GPM6A: variants seen among roughly 807,000 people sequenced by gnomAD.
GPM6A encodes neuronal membrane glycoprotein M6-a.
GPM6A carries 7 observed loss-of-function variants against 32.1 expected under a neutral mutation model. That is an observed-to-expected ratio of 0.22 (90% CI 0.12 to 0.41). The LOEUF is 0.41. Among genes scored for constraint, GPM6A ranks in the 10% least tolerant of loss-of-function variants. GPM6A has a pLI of 1.00. For synonymous variants in GPM6A, 130 were observed against 123.4 expected (o/e 1.05, Z -0.35); for missense variants, 235 against 347.2 (o/e 0.68, Z 2.57).
chr4:175,869,834 ATTCACAAG>A (rs1271514255), intron 1 of GPM6A, among the ~76,000 whole-genome samples: 1 of 152,182 alleles, frequency 6.6e-6, no homozygotes, highest in Non-Finnish European at 1.5e-5. Context: ...TTTCTAAACA[ATTCACAAG>A]TTCTAGACCT....
intron 1 of GPM6A, among the ~76,000 whole-genome samples, chr4:175,950,979 T>A (rs1739789185): frequency 6.6e-6 from 1 of 152,154 alleles, no homozygotes; most frequent in African/African-American, 2.4e-5. Context: ...TGTAAGACTT[T>A]TTTTTTTCTC....
At chr4:175,842,289 A>G (rs1226990255) in intron 1 of GPM6A, among the ~76,000 whole-genome samples, 1 of 152,152 alleles carries the variant, frequency 6.6e-6, no homozygotes, top group African/African-American at 2.4e-5. Flanking sequence ...AACAATATAT[A>G]TATTACAGAT....
intron 1 of GPM6A, chr4:175,787,052 T>G: frequency 6.2e-6 from 2 of 322,010 alleles, no homozygotes; most frequent in Non-Finnish European, 5.6e-6. Flanking sequence ...AATCTCGGTG[T>G]TTGTTTGTTT....
intron 1 of GPM6A, among the ~76,000 whole-genome samples, chr4:175,950,209 AT>A (rs1337255776): frequency 2.0e-4 from 31 of 152,190 alleles, no homozygotes; most frequent in African/African-American, 7.5e-4. Context: ...CCAAATGCAG[AT>A]GTGTAGTTAC....
chr4:175,911,528 C>G (rs1484444685), intron 1 of GPM6A, among the ~76,000 whole-genome samples: 1 of 152,058 alleles, frequency 6.6e-6, no homozygotes, highest in East Asian at 1.9e-4. Flanking sequence ...CATAATAAGC[C>G]ATGTATCCCA....
chr4:175,644,324 T>C (rs1417309993), intron 4 of GPM6A, among the ~76,000 whole-genome samples: 1 of 151,922 alleles, frequency 6.6e-6, no homozygotes, highest in Non-Finnish European at 1.5e-5. Context: ...TGCCCCTCAG[T>C]TGAATTCTTC....
intron 1 of GPM6A, among the ~76,000 whole-genome samples, chr4:175,784,652 AAAAC>A (rs1733730093): frequency 6.6e-6 from 1 of 152,174 alleles, no homozygotes; most frequent in African/African-American, 2.4e-5. Flanking sequence ...GAACTCGTCA[AAAAC>A]AAATTATGAT....
At chr4:175,818,066 C>T (rs565997953) in intron 1 of GPM6A, among the ~76,000 whole-genome samples, 1 of 152,254 alleles carries the variant, frequency 6.6e-6, no homozygotes, top group African/African-American at 2.4e-5. Context: ...CACATAATTA[C>T]CAGGGCTGTA....
intron 1 of GPM6A, among the ~76,000 whole-genome samples, chr4:175,764,833 C>T (rs1030080662): frequency 2.0e-5 from 3 of 147,730 alleles, no homozygotes; most frequent in Non-Finnish European, 4.5e-5. Context: ...ATTCTAGTGA[C>T]TCAACCCAAA....
chr4:175,803,318 C>T (rs541239018), intron 1 of GPM6A, among the ~76,000 whole-genome samples: 1 of 152,182 alleles, frequency 6.6e-6, no homozygotes, highest in Non-Finnish European at 1.5e-5. Context: ...CAGCATAACA[C>T]ATACATAAGA....
intron 1 of GPM6A, among the ~76,000 whole-genome samples, chr4:175,820,182 C>T (rs1440633887): frequency 6.6e-6 from 1 of 152,162 alleles, no homozygotes; most frequent in Non-Finnish European, 1.5e-5. Flanking sequence ...GGACTTTATG[C>T]ACAGTTATTA....
chr4:175,829,106 AT>A (rs1176604567), intron 1 of GPM6A, among the ~76,000 whole-genome samples: 1 of 152,012 alleles, frequency 6.6e-6, no homozygotes, highest in African/African-American at 2.4e-5. Flanking sequence ...AATTTTTTGT[AT>A]TTTTTGTAGA....
intron 1 of GPM6A, among the ~76,000 whole-genome samples, chr4:175,902,435 T>G (rs1737997097): frequency 6.6e-6 from 1 of 152,184 alleles, no homozygotes. Context: ...TGGATGAATG[T>G]CAGCAGCTGT....
chr4:175,918,893 C>A (rs1326708520), intron 1 of GPM6A, among the ~76,000 whole-genome samples: 1 of 151,882 alleles, frequency 6.6e-6, no homozygotes, highest in Non-Finnish European at 1.5e-5. Context: ...CTGCTTATAT[C>A]CTTTACTTTT....
chr4:175,685,636 A>G (rs1579383146), intron 2 of GPM6A, among the ~76,000 whole-genome samples: 1 of 152,116 alleles, frequency 6.6e-6, no homozygotes, highest in Non-Finnish European at 1.5e-5. Flanking sequence ...AGGGAGTTTT[A>G]TTTCTTGTTT....
At chr4:175,940,258 C>A (rs1393854581) in intron 1 of GPM6A, among the ~76,000 whole-genome samples, 6 of 150,984 alleles carry the variant, frequency 4.0e-5, no homozygotes, top group African/African-American at 1.5e-4. Context: ...AGCAGCATCA[C>A]AACAATCTAC....
At chr4:175,840,204 G>C (rs1192928666) in intron 1 of GPM6A, among the ~76,000 whole-genome samples, 7 of 152,146 alleles carry the variant, frequency 4.6e-5, no homozygotes, top group African/African-American at 1.2e-4. Context: ...TCAGGACATA[G>C]GAAAGTGCCT....
intron 1 of GPM6A, among the ~76,000 whole-genome samples, chr4:175,819,663 T>C (rs757312190): frequency 6.6e-6 from 1 of 152,126 alleles, no homozygotes; most frequent in Non-Finnish European, 1.5e-5. Context: ...GTGGGGAAGA[T>C]GGGATTTAAA....
chr4:175,989,584 A>G (rs1741076589), intron 1 of GPM6A, among the ~76,000 whole-genome samples: 1 of 152,170 alleles, frequency 6.6e-6, no homozygotes, highest in African/African-American at 2.4e-5. Flanking sequence ...AGCTGTTGGT[A>G]TCCTGCAATT....
Sources: allele counts gnomAD v4.1 joint callset (sites outside exome capture counted in the v4.1 genomes callset), GRCh38; gene constraint gnomAD v4.1.1; transcripts MANE v1.5; gene names NCBI Gene and HGNC (gene_info 2026-07-23, HGNC 2026-07-21).